The following TXNDC16 variants were observed in gnomAD, a reference collection of about 807,000 sequenced individuals.
The protein encoded by TXNDC16 is thioredoxin domain-containing protein 16.
Under a neutral mutation model 85.6 loss-of-function variants are expected in TXNDC16, and 74 were observed. The ratio of observed to expected loss-of-function variants is 0.86; its 90% CI spans 0.72 to 1.05. The LOEUF (loss-of-function observed/expected upper bound fraction) is 1.05. Ranked by LOEUF, TXNDC16 falls within the 50% of genes least tolerant of loss-of-function variation. The pLI is 0.00. For synonymous variants in TXNDC16, 335 were observed against 326.5 expected (o/e 1.03, Z -0.28); for missense variants, 959 against 947.0 (o/e 1.01, Z -0.17).
In TXNDC16 at chr14:52,470,123, T is replaced by A. The variant is rs2035870641; in HGVS notation, c.1532A>T (p.Glu511Val). 2 of 1,611,322 alleles carry A rather than the reference T, an allele frequency of 1.2e-6. No homozygotes were observed. The highest frequency in any genetic ancestry group is 3.3e-4 in the Middle Eastern group (2 of 6,034). The change falls in exon 16 of 21, where the codon GAA (glutamate) becomes GTA (valine). Residue 511 changes from glutamate (E) to valine (V), a missense_variant. Glu to Val is a moderately radical substitution (Grantham distance 121, BLOSUM62 -2). Coordinates refer to ENST00000281741, the MANE Select transcript of TXNDC16 (RefSeq NM_020784.3). ...TTTATATAATTCCCCACTTAAATAT[T>A]CTTCTGCTTCTTGGATCGATGTTAT... Reference protein sequence around the residue: ...VNITSIQEAEEYLSGELYKDL... With the variant: ...VNITSIQEAEVYLSGELYKDL...
intron 18 of TXNDC16, among the ~76,000 whole-genome samples, chr14:52,450,853 TTATATA>T (rs71125107): frequency 3.4e-4 from 49 of 145,116 alleles, no homozygotes; most frequent in African/African-American, 7.0e-4. Flanking sequence ...AAAATGTGTT[TTATATA>T]TATATATATA....
At position 52,511,256 on chromosome 14, in the gene TXNDC16, A is replaced by G; in HGVS notation, c.740T>C (p.Met247Thr). 1 of 1,574,250 alleles carries G rather than the reference A, an allele frequency of 6.4e-7. No individual in the cohort carries two copies. Among genetic ancestry groups the G allele is most frequent in the Non-Finnish European group, 8.6e-7 (1 of 1,156,486 alleles). The change falls in exon 9 of 21, where the codon ATG becomes ACG. Residue 247 changes from methionine (M) to threonine (T), a missense_variant. Coordinates refer to ENST00000281741, the MANE Select transcript of TXNDC16 (RefSeq NM_020784.3). ...TLNIHLFIKT[M>T]KAPLLTEVAE... ...GACACATACCAACAGAGGTGCTTTCATTGTCTTAATAAACAGGTGAATGTT... is the reference window on the plus strand; with the variant it reads ...GACACATACCAACAGAGGTGCTTTCGTTGTCTTAATAAACAGGTGAATGTT...
chr14:52,479,984 C>G (rs1480925727), intron 14 of TXNDC16, among the ~76,000 whole-genome samples: 1 of 152,088 alleles, frequency 6.6e-6, no homozygotes, highest in Non-Finnish European at 1.5e-5. Context: ...ACCAATGGAA[C>G]AGAATAGAGA....
intron 14 of TXNDC16, among the ~76,000 whole-genome samples, chr14:52,479,348 A>C (rs2036093247): frequency 1.3e-5 from 2 of 152,140 alleles, no homozygotes; most frequent in African/African-American, 4.8e-5. Flanking sequence ...AAAGGCATCC[A>C]AACTGGTAAA....
intron 16 of TXNDC16, among the ~76,000 whole-genome samples, chr14:52,457,505 T>C (rs1404157243): frequency 6.6e-6 from 1 of 152,158 alleles, no homozygotes; most frequent in Non-Finnish European, 1.5e-5. Context: ...GCAGAGTAAA[T>C]GGAGACAGCT....
intron 14 of TXNDC16, among the ~76,000 whole-genome samples, chr14:52,480,959 GTGTA>G (rs1193511957): frequency 3.3e-5 from 3 of 89,570 alleles, no homozygotes; most frequent in East Asian, 6.1e-4. Context: ...GTGTGTGTGT[GTGTA>G]TATATATATA....
intron 12 of TXNDC16, among the ~76,000 whole-genome samples, chr14:52,485,725 T>C (rs772647886): frequency 6.6e-6 from 1 of 152,236 alleles, no homozygotes. Context: ...GTTTGTGGCC[T>C]AGGAGCAATA....
intron 16 of TXNDC16, 33 bp downstream of exon 16, chr14:52,470,004 T>A: frequency 6.3e-7 from 1 of 1,579,190 alleles, no homozygotes; most frequent in Non-Finnish European, 8.6e-7. Flanking sequence ...TGATATACTC[T>A]ACTGTATAAT....
intron 18 of TXNDC16, among the ~76,000 whole-genome samples, chr14:52,447,910 T>C (rs2035321607): frequency 6.6e-6 from 1 of 151,244 alleles, no homozygotes; most frequent in South Asian, 2.1e-4. Context: ...ATATGTAGAA[T>C]ACATCAGAGT....
Position 52,444,454 on chromosome 14 carries a change from T to C in TXNDC16, c.1843-3730A>G, listed in dbSNP as rs549500496. Among the ~76,000 whole-genome samples, 13 of 152,276 alleles carry C rather than the reference T, an allele frequency of 8.5e-5. No homozygotes were observed. The South Asian group carries it at 2.7e-3, about 32-fold the overall frequency. ...AACTTCATACCATAATAAAAAATCT[T>C]CACCCTCTGGTCATCAACTCTCCTT... On this transcript the variant is annotated intron_variant, in intron 18 of 20. Coordinates refer to ENST00000281741, the MANE Select transcript of TXNDC16 (RefSeq NM_020784.3).
At chr14:52,527,151 C>A (rs543742854) in intron 6 of TXNDC16, among the ~76,000 whole-genome samples, 13 of 152,306 alleles carry the variant, frequency 8.5e-5, no homozygotes, top group Admixed American at 6.5e-4. Context: ...CCAAGCCCAA[C>A]GAGGGGCTTG....
chr14:52,441,898 T>C (rs2140103122), intron 18 of TXNDC16, among the ~76,000 whole-genome samples: 1 of 152,252 alleles, frequency 6.6e-6, no homozygotes, highest in African/African-American at 2.4e-5. Context: ...CTATCCTCTC[T>C]CTCTTTCTAT....
Position 52,481,010 on chromosome 14 carries a change from C to T in TXNDC16, c.1312+1220G>A, listed in dbSNP as rs570090624. Among the ~76,000 whole-genome samples the T allele has an allele frequency of 2.8e-5, 4 of 142,284 alleles. No homozygotes were observed. In the South Asian group the frequency reaches 6.5e-4, roughly 23 times the overall value. The allele number at this position is 142,284 out of a possible 152,430, so 93.3% of individuals were successfully genotyped here. On this transcript the variant is annotated intron_variant, in intron 14 of 20. Transcript: ENST00000281741. Reference sequence around the variant, plus strand: ...ATATATATATATATATAATGGAATACTACTCAGCCACAAAAAGGAATGAAT... The same window carrying T: ...ATATATATATATATATAATGGAATATTACTCAGCCACAAAAAGGAATGAAT...
intron 12 of TXNDC16, 34 bp from the exon 13 acceptor site, chr14:52,482,999 T>C: frequency 6.5e-7 from 1 of 1,535,294 alleles, no homozygotes; most frequent in Non-Finnish European, 8.8e-7. Context: ...ATTTAAATAT[T>C]GATGTATAAT....
intron 18 of TXNDC16, among the ~76,000 whole-genome samples, chr14:52,450,223 A>G (rs900522811): frequency 6.6e-6 from 1 of 152,080 alleles, no homozygotes; most frequent in African/African-American, 2.4e-5. Context: ...AGAAGACCCA[A>G]ATAAAATCAG....
chr14:52,440,479 G>T, intron 19 of TXNDC16, 85 bp downstream of exon 19: 1 of 1,181,884 alleles, frequency 8.5e-7, no homozygotes, highest in Non-Finnish European at 1.1e-6. Context: ...ACTCCAAAGA[G>T]TTAGAGAGTT....
At chr14:52,464,883 G>A (rs1211073362) in intron 16 of TXNDC16, among the ~76,000 whole-genome samples, 1 of 152,078 alleles carries the variant, frequency 6.6e-6, no homozygotes, top group African/African-American at 2.4e-5. Flanking sequence ...AGGTTGCAGT[G>A]AGCCAACATC....
At chr14:52,478,028 C>A (rs1164258467) in intron 14 of TXNDC16, among the ~76,000 whole-genome samples, 2 of 152,030 alleles carry the variant, frequency 1.3e-5, no homozygotes, top group Non-Finnish European at 2.9e-5. Flanking sequence ...CAAAAGGAAC[C>A]TTCAAAACCA....
At chr14:52,438,891 TG>T in intron 20 of TXNDC16, among the ~76,000 whole-genome samples, 1 of 152,330 alleles carries the variant, frequency 6.6e-6, no homozygotes, top group Non-Finnish European at 1.5e-5. Flanking sequence ...ACTTATGCTT[TG>T]GTAGGCCAAA....
Sources: allele counts gnomAD v4.1 joint callset (sites outside exome capture counted in the v4.1 genomes callset), GRCh38; gene constraint gnomAD v4.1.1; transcripts MANE v1.5; gene names NCBI Gene and HGNC (gene_info 2026-07-23, HGNC 2026-07-21).